SCAF8: variants seen among roughly 807,000 people sequenced by gnomAD.
The protein encoded by SCAF8 is SR-related and CTD-associated factor 8.
In SCAF8, 23 loss-of-function variants were observed where a neutral mutation model predicts 140.5. The observed-to-expected ratio is 0.16, with a 90% CI of 0.12 to 0.23. The LOEUF is 0.23. Ranked by LOEUF, SCAF8 falls within the 10% of genes least tolerant of loss-of-function variation. The probability of loss-of-function intolerance (pLI) is 1.00; values close to 1 mark genes in which losing one functional copy is unlikely to be tolerated. For missense variants in SCAF8, 1,397 were observed against 1,555.7 expected (o/e 0.90, Z 1.72); for synonymous variants, 575 against 528.9 (o/e 1.09, Z -1.20).
At chr6:154,793,917 A>G (rs1359818603) in intron 5 of SCAF8, among the ~76,000 whole-genome samples, 1 of 148,852 alleles carries the variant, frequency 6.7e-6, no homozygotes, top group Non-Finnish European at 1.5e-5. Context: ...GTGTGTGTGT[A>G]TGAACAAAAA....
In SCAF8 at chr6:154,794,778, GGGGTGTGTGT is replaced by G. The variant is rs1292487150; in HGVS notation, c.476-229_476-220del. Among the ~76,000 whole-genome samples, 289 of 68,528 alleles carry G rather than the reference GGGGTGTGTGT, an allele frequency of 4.2e-3. 13 individuals carry two copies. Among genetic ancestry groups the G allele is most frequent in the African/African-American group, 5.5e-3 (76 of 13,828 alleles). 45.0% of individuals were successfully genotyped at this position (68,528 alleles called of 152,430 possible). A position where few individuals can be genotyped will look rare whatever the true frequency, so the allele number is the denominator to read the frequency against. ...TTTTGGTGGGGGGGGGGGGGTGTGGGGGGTGTGTGTGTGTGTGTGTGTGTGTGTGTGTGTG... is the reference window on the plus strand; with the variant it reads ...TTTTGGTGGGGGGGGGGGGGTGTGGGGTGTGTGTGTGTGTGTGTGTGTGTG... On this transcript the variant is annotated intron_variant, in intron 5 of 19. Coordinates refer to ENST00000367178, the MANE Select transcript of SCAF8 (RefSeq NM_014892.5).
intron 13 of SCAF8, among the ~76,000 whole-genome samples, chr6:154,817,480 G>C (rs1778287938): frequency 6.6e-6 from 1 of 152,060 alleles, no homozygotes; most frequent in African/African-American, 2.4e-5. Context: ...TTTAATTTTG[G>C]GGACTTCAAA....
At position 154,833,346 on chromosome 6, in the gene SCAF8, A is replaced by G. The variant is rs774063105; in HGVS notation, c.3767A>G (p.Asp1256Gly). 1.9e-6 allele frequency: 3 copies of G among 1,613,926 alleles called. No homozygotes were observed. The highest frequency in any genetic ancestry group is 1.7e-4 in the Middle Eastern group (1 of 6,060). The stretch of plus-strand genomic sequence containing the variant: ...AAGGAGAAGAGTGACACAGTTGCTG[A>G]TATAGAAAGTGAACCAGTGGTAGAA... The part of the protein sequence containing the change: ...INKEKSDTVA[D>G]IESEPVVEST... Residue 1256 changes from aspartate (D) to glycine (G), a missense_variant, in exon 20 of 20, where the codon GAT (aspartate) becomes GGT (glycine). Transcript: ENST00000367178.
chr6:154,781,751 C>A (rs1777091772), intron 3 of SCAF8, among the ~76,000 whole-genome samples: 1 of 152,182 alleles, frequency 6.6e-6, no homozygotes, highest in Admixed American at 6.5e-5. Flanking sequence ...CTGCTAGGAA[C>A]ACTTGTATAC....
chr6:154,820,120 T>C, intron 14 of SCAF8, 57 bp from the exon 15 acceptor site: 1 of 1,354,982 alleles, frequency 7.4e-7, no homozygotes, highest in Non-Finnish European at 9.8e-7. Context: ...ACTTTTTACC[T>C]TGTTTTTATA....
intron 3 of SCAF8, among the ~76,000 whole-genome samples, chr6:154,787,556 G>A (rs964076783): frequency 3.9e-5 from 6 of 152,104 alleles, no homozygotes; most frequent in African/African-American, 1.4e-4. Context: ...CTTCCATGTA[G>A]CTTTTCACAG....
chr6:154,805,052 A>G (rs1363671709), intron 8 of SCAF8, among the ~76,000 whole-genome samples: 1 of 152,174 alleles, frequency 6.6e-6, no homozygotes, highest in Non-Finnish European at 1.5e-5. Flanking sequence ...TTTTATAAAT[A>G]TTGAGATTTT....
At chr6:154,778,769 A>ATGTGTGTGTGTGTGTGTGTGTG (rs71021079) in intron 3 of SCAF8, among the ~76,000 whole-genome samples, 1 of 142,060 alleles carries the variant, frequency 7.0e-6, no homozygotes, top group Admixed American at 7.2e-5. Flanking sequence ...GTCTCAAAAA[A>ATGTGTGTGTGTGTGTGTGTGTG]TGTGTGTGTG....
chr6:154,811,769 A>G (rs1778098862), intron 12 of SCAF8, among the ~76,000 whole-genome samples: 1 of 144,960 alleles, frequency 6.9e-6, no homozygotes, highest in South Asian at 2.1e-4. Context: ...ATTCTCACCT[A>G]TGAGTGAGAA....
intron 13 of SCAF8, among the ~76,000 whole-genome samples, chr6:154,816,556 A>T (rs1048980103): frequency 6.6e-6 from 1 of 151,956 alleles, no homozygotes; most frequent in South Asian, 2.1e-4. Context: ...TTTTGTAGTC[A>T]TTTGTTTGGG....
Position 154,787,894 on chromosome 6 carries a change from G to A in SCAF8, c.193G>A (p.Val65Ile), listed in dbSNP as rs1468770798. 6.2e-7 allele frequency: 1 copy of A among 1,613,302 alleles called. No homozygotes were observed. Among genetic ancestry groups the A allele is most frequent in the African/African-American group, 1.3e-5 (1 of 74,796 alleles). ...AGAATACAAAGTACCTGGACTTTAT[G>A]TTATTGACTCCATTGTGCGACAATC... Reference protein sequence around the residue: ...KPEYKVPGLYVIDSIVRQSRH... With the variant: ...KPEYKVPGLYIIDSIVRQSRH... The change falls in exon 4 of 20, where the codon GTT becomes ATT. Residue 65 changes from valine (V) to isoleucine (I), a missense_variant. By Grantham distance (29) the Val-to-Ile change is conservative. Around this residue, in one of 5 missense-constraint regions of SCAF8, gnomAD observed 43 missense variants for 142.1 expected, o/e 0.30. Transcript: ENST00000367178.
chr6:154,740,434 T>C (rs1174486370), intron 1 of SCAF8, among the ~76,000 whole-genome samples: 1 of 152,124 alleles, frequency 6.6e-6, no homozygotes, highest in East Asian at 1.9e-4. Flanking sequence ...TTAAACTGTC[T>C]TAAAATACTG....
intron 6 of SCAF8, among the ~76,000 whole-genome samples, chr6:154,796,353 TTCTCTCTCTCTCTC>T (rs532893908): frequency 5.4e-4 from 41 of 75,252 alleles, no homozygotes; most frequent in Admixed American, 1.2e-3. Flanking sequence ...TGCAATCCTG[TTCTCTCTCTCTCTC>T]TCTCTCTCTC....
intron 1 of SCAF8, among the ~76,000 whole-genome samples, chr6:154,766,062 TAAAGTA>T (rs1562434240): frequency 8.3e-6 from 1 of 121,030 alleles, no homozygotes; most frequent in Non-Finnish European, 1.9e-5. Flanking sequence ...ACTGTATTCT[TAAAGTA>T]AGAGAAAAGA....
At chr6:154,803,049 G>A (rs1022334605) in intron 7 of SCAF8, among the ~76,000 whole-genome samples, 2 of 152,154 alleles carry the variant, frequency 1.3e-5, no homozygotes, top group African/African-American at 2.4e-5. Context: ...TTATAGGAAA[G>A]TAGATACTGA....
intron 1 of SCAF8, among the ~76,000 whole-genome samples, chr6:154,739,718 A>G (rs1778519515): frequency 6.6e-6 from 1 of 152,194 alleles, no homozygotes; most frequent in African/African-American, 2.4e-5. Context: ...TCCAGAATCA[A>G]TTTAATATCC....
intron 1 of SCAF8, among the ~76,000 whole-genome samples, chr6:154,766,617 C>A (rs1277436752): frequency 6.6e-6 from 1 of 151,132 alleles, no homozygotes; most frequent in Non-Finnish European, 1.5e-5. Context: ...TTGAATTTCT[C>A]CAAGATTCAT....
At chr6:154,801,820 G>GA in intron 6 of SCAF8, 151 bp from the exon 7 acceptor site, 1 of 528,948 alleles carries the variant, frequency 1.9e-6, no homozygotes, top group Non-Finnish European at 3.3e-6. Context: ...AAGGTACACA[G>GA]AAAAACTTCA....
Position 154,733,560 on chromosome 6 carries a change from G to A in SCAF8, c.-341G>A, listed in dbSNP as rs1778317594. 7.8e-7 allele frequency: 1 copy of A among 1,277,980 alleles called. No homozygotes were observed. 79.2% of individuals were successfully genotyped at this position (1,277,980 alleles called of 1,614,324 possible). A position where few individuals can be genotyped will look rare whatever the true frequency, so the allele number is the denominator to read the frequency against. ...GAAGGGAGTGGAGAGTGTAGGGGAA[G>A]GGGCTAGAGGGAGGGGGACCGAAAC... On this transcript the variant is annotated 5_prime_UTR_variant, in exon 1 of 20. Transcript: ENST00000367178.
Sources: allele counts gnomAD v4.1 joint callset (sites outside exome capture counted in the v4.1 genomes callset), GRCh38; gene constraint gnomAD v4.1.1; regional missense constraint gnomAD v4.1.1; transcripts MANE v1.5; gene names NCBI Gene and HGNC (gene_info 2026-07-23, HGNC 2026-07-21).